UTRN: variants seen among roughly 807,000 people sequenced by gnomAD.
The protein encoded by UTRN is dystrophin-related protein 1.
A neutral mutation model predicts 463.9 loss-of-function variants in UTRN; 283 were observed. The ratio of observed to expected loss-of-function variants is 0.61; its 90% CI spans 0.55 to 0.67. The LOEUF (loss-of-function observed/expected upper bound fraction) is 0.67, where lower values mean the gene tolerates loss of function less well. Among genes scored for constraint, UTRN ranks in the 30% least tolerant of loss-of-function variants. The pLI is 0.00. For synonymous variants in UTRN, 1,442 were observed against 1,431.5 expected, an observed-to-expected ratio of 1.01 and a Z score of -0.17; for missense variants, 3,922 against 4,084.3, an observed-to-expected ratio of 0.96 and a Z score of 1.08.
chr6:144,658,541 T>TTC (rs528412044), intron 51 of UTRN, among the ~76,000 whole-genome samples: 8 of 150,290 alleles, frequency 5.3e-5, no homozygotes, highest in Non-Finnish European at 8.9e-5. Context: ...TTTTAGGGGT[T>TTC]CCCCCCCCCA....
intron 74 of UTRN, 37 bp from the exon 75 acceptor site, chr6:144,850,952 T>C: frequency 6.2e-7 from 1 of 1,613,384 alleles, no homozygotes; most frequent in Non-Finnish European, 8.5e-7. Flanking sequence ...TAATGTTTTG[T>C]GCAAATTTCT....
chr6:144,343,617 A>T (rs998320015), intron 2 of UTRN, among the ~76,000 whole-genome samples: 10 of 152,244 alleles, frequency 6.6e-5, no homozygotes, highest in African/African-American at 9.6e-5. Flanking sequence ...ATTTGTCTAA[A>T]TGGTGGCCTC....
At chr6:144,653,718 G>A (rs984183628) in intron 51 of UTRN, among the ~76,000 whole-genome samples, 1 of 152,042 alleles carries the variant, frequency 6.6e-6, no homozygotes, top group Admixed American at 6.5e-5. Context: ...AATAAGTCAA[G>A]TAGGACTTAT....
At chr6:144,451,348 T>C in intron 17 of UTRN, 22 bp from the exon 18 acceptor site, 1 of 1,597,118 alleles carries the variant, frequency 6.3e-7, no homozygotes, top group South Asian at 1.1e-5. Flanking sequence ...TGACAAATGG[T>C]CACCTCTGAA....
At chr6:144,434,127 G>T (rs1344533322) in intron 9 of UTRN, among the ~76,000 whole-genome samples, 1 of 152,228 alleles carries the variant, frequency 6.6e-6, no homozygotes, top group African/African-American at 2.4e-5. Flanking sequence ...GATCACTCGC[G>T]GTCAGGAGCT....
At chr6:144,700,563 T>TTTTGTTTG (rs911148198) in intron 53 of UTRN, among the ~76,000 whole-genome samples, 1 of 151,698 alleles carries the variant, frequency 6.6e-6, no homozygotes. Context: ...TTTTTTTGTT[T>TTTTGTTTG]TTTGTTTGTT....
chr6:144,628,664 G>A (rs1776196756), intron 51 of UTRN, among the ~76,000 whole-genome samples: 1 of 152,134 alleles, frequency 6.6e-6, no homozygotes, highest in Non-Finnish European at 1.5e-5. Context: ...ATCCTAAATA[G>A]AATCATCCAA....
intron 14 of UTRN, among the ~76,000 whole-genome samples, chr6:144,446,927 A>AT (rs1284728539): frequency 1.3e-5 from 2 of 152,112 alleles, no homozygotes; most frequent in East Asian, 3.8e-4. Context: ...GCATAGTTGG[A>AT]TTTTCCCTTT....
Position 144,837,814 on chromosome 6 carries a change from G to C in UTRN, c.10065+1273G>C, listed in dbSNP as rs1342580299. On this transcript the variant is annotated intron_variant, in intron 71 of 74. Transcript: ENST00000367545. ...CATACACTTTTCTCTATGTCTCTCA[G>C]TGTTTCAGAATTTGGGTGAGGCTGT... is the stretch of plus-strand genomic sequence containing the variant. Among the ~76,000 whole-genome samples the C allele has an allele frequency of 2.0e-5, 3 of 152,118 alleles. No individual in the cohort carries two copies. The East Asian group carries it at 5.8e-4, about 29-fold the overall frequency.
At position 144,482,405 on chromosome 6, in the gene UTRN, A is replaced by G. The variant is rs371093886; in HGVS notation, c.3687+17A>G. On this transcript the variant is annotated intron_variant, in intron 27 of 74. Coordinates refer to ENST00000367545, the MANE Select transcript of UTRN (RefSeq NM_007124.3). ...ACGCTAGAGGTATGCTATTATTATTATTGTTGTTATTATTATTATTATTAT... is the reference window on the plus strand; with the variant it reads ...ACGCTAGAGGTATGCTATTATTATTGTTGTTGTTATTATTATTATTATTAT... The G allele has an allele frequency of 6.5e-5, 79 of 1,206,686 alleles. No homozygotes were observed. The highest frequency in any genetic ancestry group is 3.0e-4 in the East Asian group (10 of 33,094). The allele number at this position is 1,206,686 out of a possible 1,614,324, so 74.7% of individuals were successfully genotyped here. A position where few individuals can be genotyped will look rare whatever the true frequency, so the allele number is the denominator to read the frequency against.
intron 71 of UTRN, among the ~76,000 whole-genome samples, chr6:144,838,005 T>C (rs1781247886): frequency 6.6e-6 from 1 of 152,232 alleles, no homozygotes; most frequent in African/African-American, 2.4e-5. Context: ...TTCCGCGAAC[T>C]TGAAGTTTCC....
chr6:144,531,588 A>G (rs930431558), intron 42 of UTRN, among the ~76,000 whole-genome samples: 1 of 152,124 alleles, frequency 6.6e-6, no homozygotes, highest in African/African-American at 2.4e-5. Context: ...TCTTTGTATC[A>G]TTGATAATTA....
intron 63 of UTRN, 67 bp from the exon 64 acceptor site, chr6:144,797,757 C>G: frequency 6.6e-7 from 1 of 1,508,046 alleles, no homozygotes; most frequent in Middle Eastern, 1.8e-4. Context: ...GATTATGAAG[C>G]AACAACACTA....
chr6:144,730,504 A>G lies in UTRN; in HGVS notation c.7939+18A>G, dbSNP rs760563821. ...AAAAACAGGTGAGACTGGTTTCTCCACTACATCATAAAAACACATGCTAGG... is the reference window on the plus strand; with the variant it reads ...AAAAACAGGTGAGACTGGTTTCTCCGCTACATCATAAAAACACATGCTAGG... On this transcript the variant is annotated intron_variant, in intron 54 of 74. Coordinates refer to ENST00000367545, the MANE Select transcript of UTRN (RefSeq NM_007124.3). 9 of 1,587,286 alleles carry G rather than the reference A, an allele frequency of 5.7e-6. No individual in the cohort carries two copies. Among genetic ancestry groups the G allele is most frequent in the Non-Finnish European group, 7.7e-6 (9 of 1,166,762 alleles).
intron 23 of UTRN, among the ~76,000 whole-genome samples, chr6:144,467,044 C>T (rs942339786): frequency 2.6e-5 from 4 of 152,236 alleles, no homozygotes; most frequent in African/African-American, 9.6e-5. Context: ...TGGTTGTCTT[C>T]ACCATTAATA....
At chr6:144,813,207 G>A (rs1297731086) in intron 65 of UTRN, among the ~76,000 whole-genome samples, 1 of 146,818 alleles carries the variant, frequency 6.8e-6, no homozygotes, top group Non-Finnish European at 1.5e-5. Context: ...TTATTTTTTT[G>A]AAATGGAGTT....
intron 2 of UTRN, among the ~76,000 whole-genome samples, chr6:144,386,658 ATT>A (rs1325022994): frequency 6.6e-6 from 1 of 152,164 alleles, no homozygotes; most frequent in Non-Finnish European, 1.5e-5. Context: ...ATGGGAAGAA[ATT>A]TTTAGCCCTG....
At chr6:144,614,585 G>A (rs1419343641) in intron 51 of UTRN, among the ~76,000 whole-genome samples, 2 of 152,158 alleles carry the variant, frequency 1.3e-5, no homozygotes, top group East Asian at 3.8e-4. Context: ...ATGAATGAAT[G>A]AACAAGGGAA....
At chr6:144,759,455 T>A (rs906262294) in intron 58 of UTRN, among the ~76,000 whole-genome samples, 15 of 152,270 alleles carry the variant, frequency 9.9e-5, no homozygotes, top group Middle Eastern at 3.4e-3. Flanking sequence ...ATAAATCTGA[T>A]GTACTGTGGT....
Sources: gnomAD v4.1 joint callset for allele counts (sites outside exome capture counted in the v4.1 genomes callset) on GRCh38, gnomAD v4.1.1 for gene constraint, MANE v1.5 for transcripts, NCBI Gene and HGNC (gene_info 2026-07-23, HGNC 2026-07-21) for gene names.